The following SLIT3 variants were observed in gnomAD, a reference collection of about 807,000 sequenced individuals.
SLIT3 encodes the protein slit homolog 3 protein.
SLIT3 carries 68 observed loss-of-function variants against 184.0 expected under a neutral mutation model. The observed-to-expected ratio is 0.37, with a 90% CI of 0.30 to 0.45. The LOEUF (loss-of-function observed/expected upper bound fraction) is 0.45, where lower values mean the gene tolerates loss of function less well. Ranked by LOEUF, SLIT3 falls within the 20% of genes least tolerant of loss-of-function variation. The probability of loss-of-function intolerance (pLI) is 1.00; values close to 1 mark genes in which losing one functional copy is unlikely to be tolerated. For synonymous variants in SLIT3, 831 were observed against 828.6 expected (o/e 1.00, Z -0.05); for missense variants, 1,707 against 2,026.0 (o/e 0.84, Z 3.02).
Position 168,760,888 on chromosome 5 carries a change from G to A in SLIT3, c.1659C>T (p.Phe553=). The A allele has an allele frequency of 6.2e-7, 1 of 1,613,976 alleles. No individual in the cohort carries two copies. The highest frequency in any genetic ancestry group is 8.5e-7 in the Non-Finnish European group (1 of 1,179,860). The change falls in exon 16 of 36, where the codon TTC becomes TTT. Residue 553 remains phenylalanine (F), a synonymous_variant. Transcript: ENST00000519560. ...EVSVLEATGI[F]KKLPNLRKIN... ...TTTTCCGCAGGTTGGGCAACTTCTTGAAGATGCCAGTGGCCTCCAGAACAG... is the reference window on the plus strand; with the variant it reads ...TTTTCCGCAGGTTGGGCAACTTCTTAAAGATGCCAGTGGCCTCCAGAACAG...
chr5:169,285,554 C>T (rs1054287311), intron 1 of SLIT3, among the ~76,000 whole-genome samples: 1 of 152,210 alleles, frequency 6.6e-6, no homozygotes, highest in African/African-American at 2.4e-5. Context: ...TTCAGAGCCA[C>T]AGAGCAGAGC....
At chr5:168,927,863 T>C (rs895657515) in intron 4 of SLIT3, among the ~76,000 whole-genome samples, 16 of 152,382 alleles carry the variant, frequency 1.0e-4, no homozygotes, top group East Asian at 3.9e-4. Flanking sequence ...CTATGATGAA[T>C]TGGATAACTG....
intron 8 of SLIT3, among the ~76,000 whole-genome samples, chr5:168,815,855 A>G (rs1322432664): frequency 6.6e-6 from 1 of 152,200 alleles, no homozygotes; most frequent in African/African-American, 2.4e-5. Context: ...TTAGTACTAA[A>G]GGTGGGCACC....
intron 20 of SLIT3, among the ~76,000 whole-genome samples, chr5:168,743,101 G>A (rs1236477041): frequency 6.6e-6 from 1 of 152,188 alleles, no homozygotes; most frequent in African/African-American, 2.4e-5. Context: ...GGCATGTTCA[G>A]GTTCTGTCCC....
Position 168,885,715 on chromosome 5 carries a change from C to G in SLIT3, c.414-2379G>C, listed in dbSNP as rs115042739. Among the ~76,000 whole-genome samples, 437 of 152,304 alleles carry G rather than the reference C, an allele frequency of 2.9e-3. 1 individual carries two copies. Among genetic ancestry groups the G allele is most frequent in the African/African-American group, 0.01 (421 of 41,588 alleles). Reference sequence around the variant, plus strand: ...TGATCAAAATCAGAGGCAGGGGGAGCAAACAGGAGAGAGGTTTAGAGCTGT... The same window carrying G: ...TGATCAAAATCAGAGGCAGGGGGAGGAAACAGGAGAGAGGTTTAGAGCTGT... On this transcript the variant is annotated intron_variant, in intron 4 of 35. Transcript: ENST00000519560.
chr5:169,070,594 G>C (rs1319928764), intron 4 of SLIT3, among the ~76,000 whole-genome samples: 1 of 152,066 alleles, frequency 6.6e-6, no homozygotes, highest in Non-Finnish European at 1.5e-5. Context: ...TTTCCATCAG[G>C]AAGTATTTCA....
chr5:169,052,458 C>A (rs1267132715), intron 4 of SLIT3, among the ~76,000 whole-genome samples: 1 of 152,070 alleles, frequency 6.6e-6, no homozygotes, highest in Non-Finnish European at 1.5e-5. Context: ...AATTTACTTC[C>A]CCAGGGCCAA....
intron 4 of SLIT3, among the ~76,000 whole-genome samples, chr5:168,945,963 G>A (rs562801601): frequency 5.6e-4 from 86 of 152,308 alleles, no homozygotes; most frequent in South Asian, 1.9e-3. Flanking sequence ...AGTTTCTCGC[G>A]TACTGTTTCT....
At chr5:169,104,728 C>T (rs983089168) in intron 4 of SLIT3, among the ~76,000 whole-genome samples, 24 of 152,202 alleles carry the variant, frequency 1.6e-4, no homozygotes, top group African/African-American at 5.3e-4. Flanking sequence ...GTCTGGTCTC[C>T]TGGCAACCAA....
intron 6 of SLIT3, among the ~76,000 whole-genome samples, chr5:168,827,385 T>C (rs370937878): frequency 7.2e-5 from 11 of 152,366 alleles, no homozygotes; most frequent in Admixed American, 1.3e-4. Flanking sequence ...CCTCGGCTCA[T>C]GGCTGCTTCA....
chr5:168,993,216 A>G (rs1023871567), intron 4 of SLIT3, among the ~76,000 whole-genome samples: 1 of 152,208 alleles, frequency 6.6e-6, no homozygotes, highest in African/African-American at 2.4e-5. Context: ...GAATCCCGAG[A>G]TGTCAGCCAA....
chr5:168,775,324 A>G (rs1175033760), intron 12 of SLIT3, among the ~76,000 whole-genome samples: 1 of 152,112 alleles, frequency 6.6e-6, no homozygotes, highest in Non-Finnish European at 1.5e-5. Flanking sequence ...GGTGTGAGCC[A>G]CCACGCCCGG....
intron 4 of SLIT3, among the ~76,000 whole-genome samples, chr5:168,984,182 A>C (rs1755044621): frequency 6.6e-6 from 1 of 152,208 alleles, no homozygotes; most frequent in Admixed American, 6.5e-5. Context: ...AATTAAAAAT[A>C]ATGATAGAAC....
chr5:168,669,943 C>T lies in SLIT3; in HGVS notation c.4176G>A (p.Lys1392=). 1 of 1,614,212 alleles carries T rather than the reference C, an allele frequency of 6.2e-7. No homozygotes were observed. Among genetic ancestry groups the T allele is most frequent in the Non-Finnish European group, 8.5e-7 (1 of 1,180,030 alleles). Residue 1392 remains lysine (K), a synonymous_variant, in exon 35 of 36, where the codon AAG becomes AAA. Transcript: ENST00000519560. ...CVATGTSYMC[K]CAEGYGGDLC... ...AGTCCCCTCCATAGCCCTCGGCACACTTGCACATGTATGAGGTCCCAGTTG... is the reference window on the plus strand; with the variant it reads ...AGTCCCCTCCATAGCCCTCGGCACATTTGCACATGTATGAGGTCCCAGTTG...
At chr5:168,997,478 G>C (rs1477752199) in intron 4 of SLIT3, among the ~76,000 whole-genome samples, 6 of 152,156 alleles carry the variant, frequency 3.9e-5, no homozygotes, top group African/African-American at 1.4e-4. Flanking sequence ...AACTAGAAAG[G>C]GATGGGGGTA....
At chr5:169,264,881 G>A (rs1413394811) in intron 1 of SLIT3, among the ~76,000 whole-genome samples, 3 of 152,214 alleles carry the variant, frequency 2.0e-5, no homozygotes, top group Admixed American at 1.3e-4. Flanking sequence ...CACTACCTCA[G>A]TTGTTTGGGA....
intron 4 of SLIT3, among the ~76,000 whole-genome samples, chr5:169,001,542 G>A (rs573521909): frequency 6.6e-6 from 1 of 152,226 alleles, no homozygotes; most frequent in Non-Finnish European, 1.5e-5. Context: ...GTGGGAATGA[G>A]AAAGTGAAAT....
chr5:168,702,100 GA>G (rs1263653060), intron 26 of SLIT3, among the ~76,000 whole-genome samples: 2 of 152,238 alleles, frequency 1.3e-5, no homozygotes, highest in African/African-American at 4.8e-5. Context: ...GGGACAGGGA[GA>G]GTGCAGTTTG....
intron 32 of SLIT3, among the ~76,000 whole-genome samples, chr5:168,679,117 G>A (rs1761502312): frequency 6.6e-6 from 1 of 152,182 alleles, no homozygotes; most frequent in African/African-American, 2.4e-5. Flanking sequence ...GCAGTGCGGT[G>A]GTGCAATCAC....
Sources: gnomAD v4.1 joint callset for allele counts (sites outside exome capture counted in the v4.1 genomes callset) on GRCh38, gnomAD v4.1.1 for gene constraint, MANE v1.5 for transcripts, NCBI Gene and HGNC (gene_info 2026-07-23, HGNC 2026-07-21) for gene names.